The following ZMYM4 variants were observed in gnomAD, a reference collection of about 807,000 sequenced individuals.
The protein encoded by ZMYM4 is zinc finger MYM-type protein 4.
A neutral mutation model predicts 183.2 loss-of-function variants in ZMYM4; 31 were observed. That is an observed-to-expected ratio of 0.17 (90% CI 0.13 to 0.23). The LOEUF (loss-of-function observed/expected upper bound fraction) is 0.23. ZMYM4 is among the 10% of genes least tolerant of loss of function. ZMYM4 has a pLI of 1.00. For synonymous variants in ZMYM4, 592 were observed against 631.2 expected (o/e 0.94, Z 0.93); for missense variants, 1,273 against 1,840.3 (o/e 0.69, Z 5.64).
At chr1:35,335,487 G>A (rs1016850264) in intron 2 of ZMYM4, among the ~76,000 whole-genome samples, 8 of 152,154 alleles carry the variant, frequency 5.3e-5, no homozygotes, top group Admixed American at 1.3e-4. Flanking sequence ...TGATCCGTCC[G>A]CCTCTGCCTC....
At chr1:35,416,286 C>A (rs1474463833) in intron 28 of ZMYM4, among the ~76,000 whole-genome samples, 1 of 152,110 alleles carries the variant, frequency 6.6e-6, no homozygotes, top group Non-Finnish European at 1.5e-5. Flanking sequence ...GAAACTTAAT[C>A]TTGGTATTAT....
intron 1 of ZMYM4, among the ~76,000 whole-genome samples, chr1:35,283,606 G>T (rs1191674864): frequency 6.6e-6 from 1 of 151,832 alleles, no homozygotes. Flanking sequence ...CAAAGTGCTG[G>T]GATTACAGGT....
chr1:35,357,374 T>C (rs571285192), intron 2 of ZMYM4, among the ~76,000 whole-genome samples: 1 of 152,358 alleles, frequency 6.6e-6, no homozygotes, highest in South Asian at 2.1e-4. Flanking sequence ...GTGCCACTAA[T>C]ATTTTTAGTC....
chr1:35,381,520 T>G, intron 8 of ZMYM4, 26 bp from the exon 9 acceptor site: 1 of 1,613,762 alleles, frequency 6.2e-7, no homozygotes, highest in Non-Finnish European at 8.5e-7. Flanking sequence ...CTCCTTGTTT[T>G]TGTGTTGCTG....
chr1:35,410,423 C>G (rs1570549259), intron 26 of ZMYM4, among the ~76,000 whole-genome samples: 1 of 151,782 alleles, frequency 6.6e-6, no homozygotes. Flanking sequence ...TCTTTTCACT[C>G]TCTTGGTGTA....
Position 35,370,064 on chromosome 1 carries a change from G to C in ZMYM4, c.876G>C (p.Glu292Asp), listed in dbSNP as rs747770356. ...ATGGCCAACAGCAAAAAACTCAAGA[G>C]GGGGAACTGAAAATTAGTGCTGTGT... ...YSHGQQQKTQ[E>D]GELKISAVFS... is the part of the protein sequence containing the mutation. Residue 292 changes from glutamate (E) to aspartate (D), a missense_variant, in exon 6 of 30, where the codon GAG (glutamate) becomes GAC (aspartate). This residue lies in a region of ZMYM4 where 384 missense variants were observed against 465.6 expected (regional missense o/e 0.82). Transcript: ENST00000314607. The C allele has an allele frequency of 1.2e-5, 19 of 1,613,260 alleles. No individual in the cohort carries two copies. The South Asian group carries it at 1.5e-4, about 13-fold the overall frequency.
intron 1 of ZMYM4, among the ~76,000 whole-genome samples, chr1:35,325,105 TA>T (rs1642450760): frequency 6.6e-6 from 1 of 152,090 alleles, no homozygotes; most frequent in African/African-American, 2.4e-5. Context: ...CATGAATGAT[TA>T]AAAAAATAAG....
intron 1 of ZMYM4, among the ~76,000 whole-genome samples, chr1:35,310,945 A>G (rs1641767426): frequency 6.6e-6 from 1 of 152,064 alleles, no homozygotes; most frequent in African/African-American, 2.4e-5. Flanking sequence ...CATTTGGTGC[A>G]TACTGGATTG....
intron 1 of ZMYM4, among the ~76,000 whole-genome samples, chr1:35,309,553 A>C (rs1193871202): frequency 6.6e-6 from 1 of 152,226 alleles, no homozygotes; most frequent in East Asian, 1.9e-4. Flanking sequence ...TACACATAAG[A>C]AACTAGGTTA....
chr1:35,332,528 C>T (rs180757534), intron 2 of ZMYM4, among the ~76,000 whole-genome samples: 2 of 151,650 alleles, frequency 1.3e-5, no homozygotes, highest in East Asian at 3.9e-4. Flanking sequence ...TGTTTGGTGC[C>T]TTGCCTAACA....
chr1:35,391,781 G>A (rs867768550), intron 15 of ZMYM4, among the ~76,000 whole-genome samples: 1 of 152,178 alleles, frequency 6.6e-6, no homozygotes, highest in Non-Finnish European at 1.5e-5. Flanking sequence ...GGTGGCTCAT[G>A]CCTGTAATCT....
intron 1 of ZMYM4, among the ~76,000 whole-genome samples, chr1:35,323,534 T>C (rs902746315): frequency 6.6e-6 from 1 of 151,358 alleles, no homozygotes; most frequent in African/African-American, 2.4e-5. Context: ...TCGTTTTTTG[T>C]TTTTTGTTTT....
At chr1:35,299,426 G>A (rs911920822) in intron 1 of ZMYM4, among the ~76,000 whole-genome samples, 1 of 152,166 alleles carries the variant, frequency 6.6e-6, no homozygotes, top group Non-Finnish European at 1.5e-5. Context: ...GAGCATAGGG[G>A]CTCAAGGGTG....
intron 9 of ZMYM4, among the ~76,000 whole-genome samples, chr1:35,383,701 A>G (rs1644513962): frequency 6.6e-6 from 1 of 152,208 alleles, no homozygotes; most frequent in Non-Finnish European, 1.5e-5. Flanking sequence ...AAATAGGATG[A>G]AACATCTTAA....
rs372535232 is a variant in ZMYM4, at chr1:35,278,937, T to G, written c.39+9852T>G. On this transcript the variant is annotated intron_variant, in intron 1 of 29. Coordinates refer to ENST00000314607, the MANE Select transcript of ZMYM4 (RefSeq NM_005095.3). The stretch of plus-strand genomic sequence containing the variant: ...GATGAGACAGCTGTTAAGATAGACA[T>G]TCCCATTCAAAAGGAAGAAAATGGA... Among the ~76,000 whole-genome samples the G allele has an allele frequency of 2.6e-5, 4 of 152,148 alleles. No homozygotes were observed. The South Asian group carries it at 8.3e-4, about 32-fold the overall frequency.
chr1:35,325,959 A>T (rs1230518688), intron 2 of ZMYM4, among the ~76,000 whole-genome samples: 1 of 152,136 alleles, frequency 6.6e-6, no homozygotes, highest in African/African-American at 2.4e-5. Flanking sequence ...GTGTGTAGGA[A>T]TCATAGATAC....
intron 2 of ZMYM4, among the ~76,000 whole-genome samples, chr1:35,327,615 T>C (rs1274007681): frequency 6.6e-6 from 1 of 152,320 alleles, no homozygotes; most frequent in South Asian, 2.1e-4. Flanking sequence ...GATTTAGTTA[T>C]TGTGTGTCTT....
At chr1:35,367,124 C>T (rs955614405) in intron 5 of ZMYM4, among the ~76,000 whole-genome samples, 2 of 151,836 alleles carry the variant, frequency 1.3e-5, no homozygotes, top group Non-Finnish European at 2.9e-5. Context: ...TAGGCATGCA[C>T]ATACACACAC....
chr1:35,368,270 C>T (rs1041287738), intron 5 of ZMYM4, among the ~76,000 whole-genome samples: 1 of 151,904 alleles, frequency 6.6e-6, no homozygotes, highest in Non-Finnish European at 1.5e-5. Context: ...TTTGCTGATC[C>T]CTGGAGTAAA....
Sources: gnomAD v4.1 joint callset for allele counts (sites outside exome capture counted in the v4.1 genomes callset) on GRCh38, gnomAD v4.1.1 for gene constraint, gnomAD v4.1.1 regional missense constraint, MANE v1.5 for transcripts, NCBI Gene and HGNC (gene_info 2026-07-23, HGNC 2026-07-21) for gene names.